TRPC7: variants seen among roughly 807,000 people sequenced by gnomAD.
TRPC7 encodes the protein transient receptor potential cation channel subfamily C member 7, also known as short transient receptor potential channel 7.
Under a neutral mutation model 90.1 loss-of-function variants are expected in TRPC7, and 42 were observed. The ratio of observed to expected loss-of-function variants is 0.47; its 90% CI spans 0.36 to 0.60. The LOEUF (loss-of-function observed/expected upper bound fraction) is 0.60. Ranked by LOEUF, TRPC7 falls within the 20% of genes least tolerant of loss-of-function variation. The pLI is 0.00. For missense variants in TRPC7, 955 were observed against 1,112.3 expected, an observed-to-expected ratio of 0.86 and a Z score of 2.01; for synonymous variants, 451 against 436.3, an observed-to-expected ratio of 1.03 and a Z score of -0.42.
intron 10 of TRPC7, among the ~76,000 whole-genome samples, chr5:136,223,415 A>G (rs1755522951): frequency 6.6e-6 from 1 of 152,084 alleles, no homozygotes; most frequent in South Asian, 2.1e-4. Context: ...GGAGTTTGAG[A>G]CCAGCCTGAC....
intron 2 of TRPC7, among the ~76,000 whole-genome samples, chr5:136,331,702 T>C (rs1458360778): frequency 6.6e-6 from 1 of 152,180 alleles, no homozygotes; most frequent in African/African-American, 2.4e-5. Flanking sequence ...CTGAGCCTTG[T>C]GTGCGCCAGA....
intron 10 of TRPC7, among the ~76,000 whole-genome samples, chr5:136,219,979 G>A (rs978952182): frequency 6.6e-5 from 10 of 152,148 alleles, no homozygotes; most frequent in African/African-American, 1.9e-4. Context: ...CTGGAGCTGC[G>A]GCAGAGGAAC....
chr5:136,326,914 C>G (rs1304764298), intron 2 of TRPC7, among the ~76,000 whole-genome samples: 4 of 152,038 alleles, frequency 2.6e-5, no homozygotes, highest in Non-Finnish European at 5.9e-5. Flanking sequence ...TTGATCAGTT[C>G]TGAGGTTAGA....
chr5:136,252,350 G>GT (rs953511637), intron 5 of TRPC7, among the ~76,000 whole-genome samples: 1 of 151,884 alleles, frequency 6.6e-6, no homozygotes, highest in East Asian at 1.9e-4. Flanking sequence ...ATAGAACCCA[G>GT]TTTTTTGTTT....
intron 7 of TRPC7, among the ~76,000 whole-genome samples, chr5:136,240,940 T>G (rs999961972): frequency 6.6e-6 from 1 of 152,140 alleles, no homozygotes; most frequent in Non-Finnish European, 1.5e-5. Context: ...AAGCCTCAAT[T>G]TCAGCTCTAA....
At position 136,267,567 on chromosome 5, in the gene TRPC7, A is replaced by C. The variant is rs1324467647; in HGVS notation, c.1129-1131T>G. Among the ~76,000 whole-genome samples, 4 of 152,192 alleles carry C rather than the reference A, an allele frequency of 2.6e-5. No individual in the cohort carries two copies. In the South Asian group the frequency reaches 6.2e-4, roughly 24 times the overall value. On this transcript the variant is annotated intron_variant, in intron 4 of 11. Coordinates refer to ENST00000513104, the MANE Select transcript of TRPC7 (RefSeq NM_020389.3). ...GAAGATCAATTACAGGGCCTTCTCT[A>C]AGTAGAATTTTCCTAGTCACATATG...
intron 3 of TRPC7, among the ~76,000 whole-genome samples, chr5:136,303,161 T>G (rs564463299): frequency 3.9e-5 from 6 of 152,152 alleles, no homozygotes; most frequent in African/African-American, 1.4e-4. Context: ...TTAATGCTCC[T>G]TTTTCTTTAT....
At chr5:136,259,584 TAC>T (rs749160109) in intron 5 of TRPC7, among the ~76,000 whole-genome samples, 1 of 152,236 alleles carries the variant, frequency 6.6e-6, no homozygotes, top group African/African-American at 2.4e-5. Context: ...CTAGCATTAT[TAC>T]ACAGTTCTCA....
At chr5:136,346,606 C>G (rs374693959) in intron 2 of TRPC7, among the ~76,000 whole-genome samples, 2 of 152,292 alleles carry the variant, frequency 1.3e-5, no homozygotes. Context: ...TCCCATATCA[C>G]TGGCTTGGTT....
intron 2 of TRPC7, among the ~76,000 whole-genome samples, chr5:136,331,363 G>A (rs13155818): frequency 0.1 from 15,514 of 152,108 alleles, 860 homozygotes; most frequent in Non-Finnish European, 0.13. Context: ...AGCATCTAGG[G>A]TGTGCTGAGC....
At position 136,341,157 on chromosome 5, in the gene TRPC7, A is replaced by T. The variant is rs139593583; in HGVS notation, c.780+15451T>A. ...TACAGATGTGGTCACAGAAGTACAG[A>T]AAGTTGTACATATTAATGAGGTTTA... On this transcript the variant is annotated intron_variant, in intron 2 of 11. Coordinates refer to ENST00000513104, the MANE Select transcript of TRPC7 (RefSeq NM_020389.3). Among the ~76,000 whole-genome samples the T allele has an allele frequency of 5.1e-3, 774 of 152,324 alleles. 5 individuals carry two copies. Among genetic ancestry groups the T allele is most frequent in the African/African-American group, 0.018 (736 of 41,574 alleles).
At chr5:136,300,314 G>C (rs1447884071) in intron 3 of TRPC7, among the ~76,000 whole-genome samples, 1 of 152,210 alleles carries the variant, frequency 6.6e-6, no homozygotes, top group Non-Finnish European at 1.5e-5. Context: ...TGAGCTGGCA[G>C]GGTGTGGATA....
chr5:136,259,306 G>A (rs1756779854), intron 5 of TRPC7, among the ~76,000 whole-genome samples: 1 of 152,168 alleles, frequency 6.6e-6, no homozygotes, highest in Admixed American at 6.5e-5. Flanking sequence ...CTCCTGCCAT[G>A]CCCTCCACTG....
At chr5:136,339,719 G>A (rs974982782) in intron 2 of TRPC7, among the ~76,000 whole-genome samples, 8 of 152,010 alleles carry the variant, frequency 5.3e-5, no homozygotes, top group African/African-American at 1.9e-4. Context: ...CCATTCTCTA[G>A]TCCCTGCCCA....
intron 3 of TRPC7, among the ~76,000 whole-genome samples, chr5:136,280,808 C>A (rs1296725923): frequency 6.6e-6 from 1 of 152,138 alleles, no homozygotes; most frequent in Non-Finnish European, 1.5e-5. Flanking sequence ...GAGCACTATT[C>A]TGTGTCAGGT....
At chr5:136,353,050 A>C (rs1487124094) in intron 2 of TRPC7, among the ~76,000 whole-genome samples, 1 of 152,198 alleles carries the variant, frequency 6.6e-6, no homozygotes, top group African/African-American at 2.4e-5. Context: ...TTTATTGGGT[A>C]CCACACAAGG....
chr5:136,269,383 A>G (rs1274709465), intron 4 of TRPC7, among the ~76,000 whole-genome samples: 1 of 152,198 alleles, frequency 6.6e-6, no homozygotes, highest in East Asian at 1.9e-4. Context: ...TGGGGTGGGC[A>G]CCTGCGTTTA....
intron 2 of TRPC7, among the ~76,000 whole-genome samples, chr5:136,341,439 A>G (rs1197824492): frequency 6.8e-6 from 1 of 147,734 alleles, no homozygotes; most frequent in African/African-American, 2.5e-5. Context: ...TAACATATAT[A>G]CATATATTTA....
intron 2 of TRPC7, among the ~76,000 whole-genome samples, chr5:136,319,082 T>G (rs1211982467): frequency 6.6e-6 from 1 of 152,190 alleles, no homozygotes; most frequent in Non-Finnish European, 1.5e-5. Flanking sequence ...AAGTCATCCT[T>G]AGTGCTCTTG....
Sources: gnomAD v4.1 joint callset for allele counts (sites outside exome capture counted in the v4.1 genomes callset) on GRCh38, gnomAD v4.1.1 for gene constraint, MANE v1.5 for transcripts, NCBI Gene and HGNC (gene_info 2026-07-23, HGNC 2026-07-21) for gene names.